The following ACAP2 variants were observed in gnomAD, a reference collection of about 807,000 sequenced individuals.
ACAP2 encodes arf-GAP with coiled-coil, ANK repeat and PH domain-containing protein 2.
In ACAP2, 39 loss-of-function variants were observed where a neutral mutation model predicts 115.8. The ratio of observed to expected loss-of-function variants is 0.34; its 90% CI spans 0.26 to 0.44. The LOEUF (loss-of-function observed/expected upper bound fraction) is 0.44, where lower values mean the gene tolerates loss of function less well. ACAP2 is among the 20% of genes least tolerant of loss of function. The probability of loss-of-function intolerance (pLI) is 1.00; values close to 1 mark genes in which losing one functional copy is unlikely to be tolerated. For missense variants in ACAP2, 662 were observed against 927.6 expected, an observed-to-expected ratio of 0.71 and a Z score of 3.72; for synonymous variants, 289 against 315.8, an observed-to-expected ratio of 0.92 and a Z score of 0.90.
chr3:195,412,183 A>AC (rs2108812950), intron 1 of ACAP2, among the ~76,000 whole-genome samples: 1 of 148,696 alleles, frequency 6.7e-6, no homozygotes, highest in East Asian at 1.9e-4. Context: ...AAAAAAAAAA[A>AC]AAAAAAAGAA....
intron 4 of ACAP2, among the ~76,000 whole-genome samples, chr3:195,379,897 G>GA (rs1733834308): frequency 6.6e-6 from 1 of 152,150 alleles, no homozygotes; most frequent in African/African-American, 2.4e-5. Flanking sequence ...TCAACTGCAT[G>GA]AGTCATTAGG....
At chr3:195,441,130 TA>T (rs58154058) in intron 1 of ACAP2, among the ~76,000 whole-genome samples, 299 of 143,214 alleles carry the variant, frequency 2.1e-3, no homozygotes, top group Middle Eastern at 3.7e-3. Context: ...TCTCTCAACT[TA>T]AAAAAAAAAA....
At chr3:195,382,747 G>C (rs1049229575) in intron 2 of ACAP2, among the ~76,000 whole-genome samples, 2 of 151,958 alleles carry the variant, frequency 1.3e-5, no homozygotes, top group Admixed American at 1.3e-4. Context: ...AATTAAAACT[G>C]CTGCCCTGAG....
chr3:195,438,486 A>G lies in ACAP2; in HGVS notation c.53+4309T>C, dbSNP rs534448961. ...TAAAGATGGAAGGCAAAGGAAGGAG[A>G]CAAGATTGGCACCAATCCAGACTTA... On this transcript the variant is annotated intron_variant, in intron 1 of 22. Coordinates refer to ENST00000326793, the MANE Select transcript of ACAP2 (RefSeq NM_012287.6). 3.9e-5 allele frequency among the ~76,000 whole-genome samples: 6 copies of G among 152,328 alleles called. No individual in the cohort carries two copies. The East Asian group carries it at 5.8e-4, about 15-fold the overall frequency.
In ACAP2 at chr3:195,276,298, C is replaced by T. The variant is rs1428941408; in HGVS notation, c.*3030G>A. 2 of 152,026 alleles carry T rather than the reference C, an allele frequency of 1.3e-5. No individual in the cohort carries two copies. Among genetic ancestry groups the T allele is most frequent in the South Asian group, 2.1e-4 (1 of 4,826 alleles). 9.4% of individuals were successfully genotyped at this position (152,026 alleles called of 1,614,324 possible). ...GTTCATTAAAATATACAGTGAAAAC[C>T]GGTATAAATTAGGCAAACACCATAA... On this transcript the variant is annotated 3_prime_UTR_variant, in exon 23 of 23. Transcript: ENST00000326793.
At chr3:195,418,961 T>C (rs1364141723) in intron 1 of ACAP2, among the ~76,000 whole-genome samples, 3 of 152,172 alleles carry the variant, frequency 2.0e-5, no homozygotes, top group African/African-American at 4.8e-5. Flanking sequence ...AACATGGAGA[T>C]GCTTGCAAGA....
rs934495949 is a variant in ACAP2 at position 195,302,316 on chromosome 3, A to C, written c.1117-142T>G. On this transcript the variant is annotated intron_variant, in intron 13 of 22. Transcript: ENST00000326793. ...ATAAGCAAGGCAATAGTCTAGCTAG[A>C]AATTCAAGGATAAAAAGATGTAGGT... The C allele has an allele frequency of 9.9e-6, 7 of 707,658 alleles. No individual in the cohort carries two copies. In the Admixed American group the frequency reaches 1.3e-4, roughly 13 times the overall value. The allele number at this position is 707,658 out of a possible 1,614,324, so 43.8% of individuals were successfully genotyped here. A position where few individuals can be genotyped will look rare whatever the true frequency, so the allele number is the denominator to read the frequency against.
chr3:195,420,701 G>C (rs1560353084), intron 1 of ACAP2, among the ~76,000 whole-genome samples: 1 of 151,802 alleles, frequency 6.6e-6, no homozygotes, highest in Non-Finnish European at 1.5e-5. Context: ...GGAGTGCAGT[G>C]GCGCCATCTC....
At chr3:195,427,288 G>A (rs1714754964) in intron 1 of ACAP2, among the ~76,000 whole-genome samples, 1 of 152,192 alleles carries the variant, frequency 6.6e-6, no homozygotes, top group East Asian at 1.9e-4. Flanking sequence ...TTTTAGCCCA[G>A]TGAGATCTGT....
At chr3:195,440,763 A>C (rs1392059999) in intron 1 of ACAP2, among the ~76,000 whole-genome samples, 1 of 152,232 alleles carries the variant, frequency 6.6e-6, no homozygotes, top group African/African-American at 2.4e-5. Context: ...ACTATAAAAA[A>C]TTAAGAATAT....
chr3:195,283,724 G>T (rs1052270689), intron 22 of ACAP2, among the ~76,000 whole-genome samples: 2 of 152,064 alleles, frequency 1.3e-5, no homozygotes, highest in African/African-American at 2.4e-5. Flanking sequence ...TAAATATTAG[G>T]CCCTCTGAAT....
intron 1 of ACAP2, among the ~76,000 whole-genome samples, chr3:195,440,833 C>CA (rs1419125437): frequency 1.3e-5 from 2 of 152,100 alleles, no homozygotes; most frequent in African/African-American, 4.8e-5. Context: ...AATTTGTCCC[C>CA]AAAATGTATA....
intron 4 of ACAP2, among the ~76,000 whole-genome samples, chr3:195,366,857 G>C (rs977831189): frequency 1.3e-5 from 2 of 151,964 alleles, no homozygotes; most frequent in African/African-American, 4.8e-5. Context: ...AAAAATGAAG[G>C]AGTCCTTTAC....
intron 1 of ACAP2, among the ~76,000 whole-genome samples, chr3:195,425,435 C>T (rs1214001833): frequency 6.6e-6 from 1 of 152,070 alleles, no homozygotes; most frequent in Non-Finnish European, 1.5e-5. Context: ...TAAGAAAGTA[C>T]TTATTGGTAG....
At chr3:195,357,207 G>A (rs918163953) in intron 4 of ACAP2, among the ~76,000 whole-genome samples, 3 of 151,984 alleles carry the variant, frequency 2.0e-5, no homozygotes, top group African/African-American at 7.3e-5. Context: ...CCTGTGTGGA[G>A]GTGGACACAG....
chr3:195,355,355 T>G (rs946645090), intron 4 of ACAP2, among the ~76,000 whole-genome samples: 1 of 151,586 alleles, frequency 6.6e-6, no homozygotes, highest in African/African-American at 2.4e-5. Context: ...CTTTTCTATA[T>G]TAAACTGCTA....
Position 195,381,948 on chromosome 3 carries a change from C to A in ACAP2, c.186G>T (p.Gly62=), listed in dbSNP as rs368305941. ...FCVANKQFMN[G]IRDLAQYSSN... ...TAGAATACTGAGCCAGGTCTCGAAT[C>A]CCATTCATGAACTGTTTATTTGCAA... Residue 62 remains glycine, a synonymous_variant, in exon 3 of 23, where the codon GGG becomes GGT. Coordinates refer to ENST00000326793, the MANE Select transcript of ACAP2 (RefSeq NM_012287.6). 6.2e-7 allele frequency: 1 copy of A among 1,612,184 alleles called. No homozygotes were observed. The highest frequency in any genetic ancestry group is 2.2e-5 in the East Asian group (1 of 44,816).
At chr3:195,369,184 T>C (rs1025058376) in intron 4 of ACAP2, among the ~76,000 whole-genome samples, 2 of 152,228 alleles carry the variant, frequency 1.3e-5, no homozygotes, top group South Asian at 4.1e-4. Flanking sequence ...AAAAACATTT[T>C]TTTAAATCTG....
At chr3:195,365,401 C>A (rs996493340) in intron 4 of ACAP2, among the ~76,000 whole-genome samples, 10 of 151,862 alleles carry the variant, frequency 6.6e-5, no homozygotes, top group Admixed American at 6.6e-4. Flanking sequence ...TACTATGCAC[C>A]CACAAAAATT....
Sources: gnomAD v4.1 joint callset for allele counts (sites outside exome capture counted in the v4.1 genomes callset) on GRCh38, gnomAD v4.1.1 for gene constraint, MANE v1.5 for transcripts, NCBI Gene and HGNC (gene_info 2026-07-23, HGNC 2026-07-21) for gene names.